FRK: variants seen among roughly 807,000 people sequenced by gnomAD.
The protein encoded by FRK is tyrosine-protein kinase FRK.
In FRK, 51 loss-of-function variants were observed where a neutral mutation model predicts 56.4. The observed-to-expected ratio is 0.90, with a 90% confidence interval of 0.72 to 1.14. The LOEUF is 1.14. Among genes scored for constraint, FRK ranks in the 50% most tolerant of loss-of-function variants. The pLI is 0.00. For synonymous variants in FRK, 245 were observed against 217.9 expected, an observed-to-expected ratio of 1.12 and a Z score of -1.10; for missense variants, 570 against 601.4, an observed-to-expected ratio of 0.95 and a Z score of 0.55.
chr6:115,960,377 C>G (rs1350061758), intron 4 of FRK, among the ~76,000 whole-genome samples: 1 of 151,282 alleles, frequency 6.6e-6, no homozygotes, highest in Non-Finnish European at 1.5e-5. Context: ...TATCCCACAC[C>G]TGGCTCAGAG....
chr6:116,027,094 G>A (rs967917596), intron 1 of FRK, among the ~76,000 whole-genome samples: 2 of 152,134 alleles, frequency 1.3e-5, no homozygotes, highest in Non-Finnish European at 2.9e-5. Flanking sequence ...TTAGAAAACT[G>A]TTAGATGAAT....
intron 1 of FRK, 24 bp downstream of exon 1, chr6:116,059,944 T>G: frequency 6.4e-7 from 1 of 1,572,990 alleles, no homozygotes; most frequent in South Asian, 1.1e-5. Context: ...GTTCAGAAAT[T>G]AAGTATAAGT....
In FRK at chr6:116,004,009, A is replaced by T. The variant is rs768917709; in HGVS notation, c.345-11T>A. ...GCTCCAAAGAACCACCTAAAAAGAG[A>T]GATATGTAAATGTTAAGTAACCAAT... On this transcript the variant is annotated splice_polypyrimidine_tract_variant and intron_variant, in intron 1 of 7. Transcript: ENST00000606080. 6.2e-7 allele frequency: 1 copy of T among 1,608,656 alleles called. No individual in the cohort carries two copies. The highest frequency in any genetic ancestry group is 1.1e-5 in the South Asian group (1 of 90,524).
In FRK at chr6:116,037,628, G is replaced by A. The variant is rs141899799; in HGVS notation, c.344+22340C>T. On this transcript the variant is annotated intron_variant, in intron 1 of 7. Coordinates refer to ENST00000606080, the MANE Select transcript of FRK (RefSeq NM_002031.3). ...ACTGCATACTATTATCTGTCTACTCGTAAATCCCTTCTTATTCTCTATCGT... is the reference window on the plus strand; with the variant it reads ...ACTGCATACTATTATCTGTCTACTCATAAATCCCTTCTTATTCTCTATCGT... Among the ~76,000 whole-genome samples the A allele has an allele frequency of 8.2e-4, 125 of 152,194 alleles. No individual in the cohort carries two copies. In the East Asian group the frequency reaches 0.021, roughly 25 times the overall value.
chr6:116,071,331 T>C, the FRK span, among the ~76,000 whole-genome samples: 1 of 152,218 alleles, frequency 6.6e-6, no homozygotes, highest in Non-Finnish European at 1.5e-5. Context: ...ACTGGTTGAC[T>C]GTACACATTT....
At chr6:116,011,520 G>A (rs1775467425) in intron 1 of FRK, among the ~76,000 whole-genome samples, 1 of 151,746 alleles carries the variant, frequency 6.6e-6, no homozygotes, top group Non-Finnish European at 1.5e-5. Context: ...AAACTGGGTC[G>A]ATCAACTTGG....
intron 2 of FRK, among the ~76,000 whole-genome samples, chr6:116,000,640 CAAAT>C (rs1178990008): frequency 6.6e-6 from 1 of 152,030 alleles, no homozygotes; most frequent in Non-Finnish European, 1.5e-5. Context: ...TTGCCAAAGA[CAAAT>C]AAACAATCAG....
chr6:116,042,333 T>C (rs1776754505), intron 1 of FRK, among the ~76,000 whole-genome samples: 1 of 152,010 alleles, frequency 6.6e-6, no homozygotes. Flanking sequence ...TCAGCAGACT[T>C]ATACATTCCT....
At chr6:116,007,300 C>G (rs1562282689) in intron 1 of FRK, among the ~76,000 whole-genome samples, 1 of 152,214 alleles carries the variant, frequency 6.6e-6, no homozygotes, top group Non-Finnish European at 1.5e-5. Flanking sequence ...CTCACTCATG[C>G]TTGCTCTCCA....
intron 1 of FRK, among the ~76,000 whole-genome samples, chr6:116,058,939 A>AT (rs1443412059): frequency 5.3e-5 from 8 of 150,226 alleles, no homozygotes; most frequent in Non-Finnish European, 1.2e-4. Context: ...AAATGAGTAC[A>AT]TTTTTTGAAA....
At chr6:116,091,222 C>T in the FRK span, among the ~76,000 whole-genome samples, 1 of 152,114 alleles carries the variant, frequency 6.6e-6, no homozygotes, top group Non-Finnish European at 1.5e-5. Context: ...ATGCACCAAT[C>T]AGCACTCTGT....
At chr6:116,095,460 A>G in the FRK span, among the ~76,000 whole-genome samples, 2 of 152,210 alleles carry the variant, frequency 1.3e-5, no homozygotes, top group Non-Finnish European at 2.9e-5. Context: ...CAAACTTACA[A>G]GGTTTTCAAC....
chr6:115,981,123 A>G (rs1186763021), intron 2 of FRK, among the ~76,000 whole-genome samples: 1 of 152,156 alleles, frequency 6.6e-6, no homozygotes, highest in Non-Finnish European at 1.5e-5. Flanking sequence ...ACTGCCCAAC[A>G]ATAAAATAGG....
At chr6:115,947,100 TG>T (rs1562249732) in intron 5 of FRK, among the ~76,000 whole-genome samples, 3 of 152,026 alleles carry the variant, frequency 2.0e-5, no homozygotes, top group Admixed American at 2.0e-4. Context: ...TGGGATAGTG[TG>T]GGGTTGTAAT....
chr6:116,023,334 A>G (rs1315334491), intron 1 of FRK, among the ~76,000 whole-genome samples: 1 of 152,242 alleles, frequency 6.6e-6, no homozygotes, highest in Non-Finnish European at 1.5e-5. Flanking sequence ...GTAGACTTGC[A>G]CAAAAATGTT....
chr6:116,080,769 T>C, the FRK span, among the ~76,000 whole-genome samples: 1 of 145,560 alleles, frequency 6.9e-6, no homozygotes, highest in South Asian at 2.2e-4. Flanking sequence ...TCAAAGTCAT[T>C]AATAATGAGA....
chr6:116,066,524 G>A, the FRK span, among the ~76,000 whole-genome samples: 3 of 152,032 alleles, frequency 2.0e-5, no homozygotes, highest in African/African-American at 7.2e-5. Flanking sequence ...TCTCCAAATG[G>A]CAGCCAAAAT....
intron 2 of FRK, among the ~76,000 whole-genome samples, chr6:115,997,604 G>T (rs1325162905): frequency 6.6e-6 from 1 of 152,024 alleles, no homozygotes; most frequent in Non-Finnish European, 1.5e-5. Context: ...TCATGTCAGA[G>T]ATCTGACATC....
rs1406502781 is a variant in FRK at position 115,936,308 on chromosome 6, C to A, written c.*6106G>T. On this transcript the variant is annotated 3_prime_UTR_variant, in exon 8 of 8. Transcript: ENST00000606080. ...AAGGAATAGTATGTCCACTCAGAGA[C>A]CCCATCCGAACATCAGCAGGATCAA... 1 of 152,136 alleles carries A rather than the reference C, an allele frequency of 6.6e-6. No individual in the cohort carries two copies. The highest frequency in any genetic ancestry group is 1.5e-5 in the Non-Finnish European group (1 of 68,030). 9.4% of individuals were successfully genotyped at this position (152,136 alleles called of 1,614,324 possible).
Sources: gnomAD v4.1 joint callset for allele counts (sites outside exome capture counted in the v4.1 genomes callset) on GRCh38, gnomAD v4.1.1 for gene constraint, MANE v1.5 for transcripts, NCBI Gene and HGNC (gene_info 2026-07-23, HGNC 2026-07-21) for gene names.